Variants in TIAM1 observed in about 807,000 individuals in gnomAD.
TIAM1 encodes the protein TIAM Rac1 associated GEF 1.
Under a neutral mutation model 163.5 loss-of-function variants are expected in TIAM1, and 65 were observed. The observed-to-expected ratio is 0.40, with a 90% CI of 0.33 to 0.49. TIAM1 has a LOEUF of 0.49. Ranked by LOEUF, TIAM1 falls within the 20% of genes least tolerant of loss-of-function variation. The pLI, the probability that TIAM1 is intolerant of heterozygous loss-of-function variation, is 0.77. For missense variants in TIAM1, 1,789 were observed against 2,044.7 expected, an observed-to-expected ratio of 0.87 and a Z score of 2.41; for synonymous variants, 833 against 810.1, an observed-to-expected ratio of 1.03 and a Z score of -0.48.
intron 2 of TIAM1, among the ~76,000 whole-genome samples, chr21:31,288,233 C>T (rs2073888146): frequency 6.6e-6 from 1 of 152,118 alleles, no homozygotes; most frequent in African/African-American, 2.4e-5. Context: ...AACAGCAATA[C>T]AGTTAAAAAA....
chr21:31,337,256 T>C (rs1409798801), intron 2 of TIAM1, among the ~76,000 whole-genome samples: 1 of 152,008 alleles, frequency 6.6e-6, no homozygotes, highest in Admixed American at 6.5e-5. Context: ...AGATAAGACC[T>C]CAGCCTTGGC....
intron 2 of TIAM1, among the ~76,000 whole-genome samples, chr21:31,434,486 C>G (rs536480778): frequency 5.9e-5 from 9 of 152,202 alleles, no homozygotes; most frequent in Non-Finnish European, 1.2e-4. Context: ...GCGTTTGCTT[C>G]TTGATGGCAA....
intron 1 of TIAM1, among the ~76,000 whole-genome samples, chr21:31,502,186 GA>G (rs925669288): frequency 2.0e-5 from 3 of 150,420 alleles, no homozygotes; most frequent in African/African-American, 4.9e-5. Flanking sequence ...ATATCTTAAA[GA>G]AAAAAAAAGG....
chr21:31,364,576 C>T (rs1459221596), intron 2 of TIAM1, among the ~76,000 whole-genome samples: 1 of 152,148 alleles, frequency 6.6e-6, no homozygotes, highest in East Asian at 1.9e-4. Context: ...GAAAGAGCAG[C>T]TCTACCTATA....
At chr21:31,506,912 G>T (rs540758405) in intron 1 of TIAM1, among the ~76,000 whole-genome samples, 1 of 152,142 alleles carries the variant, frequency 6.6e-6, no homozygotes, top group Non-Finnish European at 1.5e-5. Flanking sequence ...GGGAGACCCT[G>T]TCTCAAACAA....
rs191049986 is a variant in TIAM1, at chr21:31,521,652, G to C, written c.-422+37275C>G. ...TTCAGGAAGCTGAGGTGGAAGGATTGCTTGAGCCCGGGAGTTCAAGGCTGT... is the reference window on the plus strand; with the variant it reads ...TTCAGGAAGCTGAGGTGGAAGGATTCCTTGAGCCCGGGAGTTCAAGGCTGT... On this transcript the variant is annotated intron_variant, in intron 1 of 28. Coordinates refer to the TIAM1 transcript ENST00000286827. Among the ~76,000 whole-genome samples the C allele has an allele frequency of 3.3e-4, 50 of 152,034 alleles. 1 individual carries two copies. The highest frequency in any genetic ancestry group is 3.1e-3 in the East Asian group (16 of 5,144).
intron 15 of TIAM1, among the ~76,000 whole-genome samples, chr21:31,173,698 T>C (rs898778030): frequency 9.2e-5 from 14 of 152,368 alleles, no homozygotes; most frequent in Admixed American, 8.5e-4. Flanking sequence ...AGATTTAAAA[T>C]AGTAACTTCT....
intron 2 of TIAM1, among the ~76,000 whole-genome samples, chr21:31,461,475 C>T (rs368243731): frequency 2.0e-5 from 3 of 151,882 alleles, no homozygotes; most frequent in African/African-American, 7.3e-5. Flanking sequence ...CAGAGAGAGG[C>T]CCTCTCTCAA....
intron 2 of TIAM1, among the ~76,000 whole-genome samples, chr21:31,424,834 T>A (rs2043726161): frequency 6.6e-6 from 1 of 152,134 alleles, no homozygotes; most frequent in Non-Finnish European, 1.5e-5. Flanking sequence ...GCGGATCACT[T>A]GAGGTCAGGA....
At chr21:31,246,337 T>G (rs965176260) in intron 5 of TIAM1, among the ~76,000 whole-genome samples, 8 of 152,114 alleles carry the variant, frequency 5.3e-5, no homozygotes, top group African/African-American at 1.9e-4. Context: ...AATTGCACTG[T>G]GAAACTAACA....
intron 1 of TIAM1, among the ~76,000 whole-genome samples, chr21:31,484,311 G>C (rs534147251): frequency 6.6e-6 from 1 of 152,312 alleles, no homozygotes; most frequent in African/African-American, 2.4e-5. Flanking sequence ...ACTCCACAAA[G>C]AGGCTTCTGG....
intron 22 of TIAM1, among the ~76,000 whole-genome samples, chr21:31,140,636 T>C (rs1244601609): frequency 6.6e-6 from 1 of 152,216 alleles, no homozygotes; most frequent in Admixed American, 6.5e-5. Context: ...ACCTTAAGTC[T>C]TTCTCAGGTG....
In TIAM1 at chr21:31,120,397, G is replaced by C. The variant is rs2081952783; in HGVS notation, c.4747C>G (p.Pro1583Ala). ...ATCTCAGTGTTCAGTTTCCTGGAGGGGGCAAAGTCTTCACGCCTAACCCAA... is the reference window on the plus strand; with the variant it reads ...ATCTCAGTGTTCAGTTTCCTGGAGGCGGCAAAGTCTTCACGCCTAACCCAA... ...VIWVRREDFA[P>A]SRKLNTEI The change falls in exon 28 of 28, where the codon CCC becomes GCC. Residue 1583 changes from proline to alanine, a missense_variant. Around this residue, in one of 5 missense-constraint regions of TIAM1, gnomAD observed 415 missense variants for 439.2 expected, o/e 0.94. Coordinates refer to ENST00000541036, the MANE Select transcript of TIAM1 (RefSeq NM_001353694.2). This position sits in a 1 kb window ranked among gnomAD's most constrained non-coding sequence, Gnocchi z 4.2. 1 of 1,612,098 alleles carries C rather than the reference G, an allele frequency of 6.2e-7. No homozygotes were observed. Among genetic ancestry groups the C allele is most frequent in the Non-Finnish European group, 8.5e-7 (1 of 1,178,964 alleles).
At chr21:31,288,572 T>C (rs563350022) in intron 2 of TIAM1, among the ~76,000 whole-genome samples, 16 of 152,244 alleles carry the variant, frequency 1.1e-4, no homozygotes, top group African/African-American at 3.9e-4. Flanking sequence ...CATGATACTA[T>C]CACATTCAGG....
At chr21:31,186,198 T>C (rs971150994) in intron 14 of TIAM1, among the ~76,000 whole-genome samples, 7 of 152,190 alleles carry the variant, frequency 4.6e-5, no homozygotes, top group Non-Finnish European at 1.0e-4. Context: ...AGGCAGGATG[T>C]AGCGGGGAAG....
At chr21:31,468,644 C>T (rs768394128) in intron 1 of TIAM1, among the ~76,000 whole-genome samples, 5 of 150,406 alleles carry the variant, frequency 3.3e-5, no homozygotes, top group African/African-American at 7.4e-5. Context: ...GGCGTGGTGT[C>T]GGGTGCCTGT....
chr21:31,140,403 T>A (rs541632982), intron 22 of TIAM1, among the ~76,000 whole-genome samples: 6 of 152,332 alleles, frequency 3.9e-5, no homozygotes, highest in African/African-American at 1.4e-4. Context: ...ATATATCATA[T>A]CCCTATGATT....
intron 2 of TIAM1, among the ~76,000 whole-genome samples, chr21:31,289,422 C>A (rs981657151): frequency 1.3e-5 from 2 of 152,150 alleles, no homozygotes; most frequent in Non-Finnish European, 2.9e-5. Flanking sequence ...TCAAAACCCA[C>A]GGGCATCACA....
chr21:31,253,953 A>C (rs1190250775), intron 4 of TIAM1, among the ~76,000 whole-genome samples: 1 of 152,232 alleles, frequency 6.6e-6, no homozygotes, highest in Non-Finnish European at 1.5e-5. Context: ...ATTGTTGATT[A>C]TTCAGGATAA....
Sources: gnomAD v4.1 joint callset for allele counts (sites outside exome capture counted in the v4.1 genomes callset) on GRCh38, gnomAD v4.1.1 for gene constraint, gnomAD v4.1.1 regional missense constraint, Gnocchi (gnomAD v3.1) non-coding constraint, MANE v1.5 for transcripts, NCBI Gene and HGNC (gene_info 2026-07-23, HGNC 2026-07-21) for gene names.